TMOD2: variants seen among roughly 807,000 people sequenced by gnomAD.
TMOD2 encodes the protein tropomodulin-2.
Under a neutral mutation model 39.9 loss-of-function variants are expected in TMOD2, and 22 were observed. That is an observed-to-expected ratio of 0.55 (90% CI 0.39 to 0.79). The LOEUF (loss-of-function observed/expected upper bound fraction) is 0.79, where lower values mean the gene tolerates loss of function less well. Ranked by LOEUF, TMOD2 falls within the 30% of genes least tolerant of loss-of-function variation. The probability of loss-of-function intolerance (pLI) is 0.00; values close to 1 mark genes in which losing one functional copy is unlikely to be tolerated. For synonymous variants in TMOD2, 123 were observed against 146.1 expected (o/e 0.84, Z 1.14); for missense variants, 386 against 413.3 (o/e 0.93, Z 0.57).
chr15:51,806,342 G>A (rs773384125), intron 8 of TMOD2, 35 bp from the exon 9 acceptor site: 59 of 1,608,778 alleles, frequency 3.7e-5, no homozygotes, highest in Non-Finnish European at 4.9e-5. Flanking sequence ...CTTCCTTCTT[G>A]GTCATCCTGT....
In TMOD2 at chr15:51,778,036, A is replaced by G. The variant is rs1459308487; in HGVS notation, c.493+1018A>G. Among the ~76,000 whole-genome samples, 5 of 151,628 alleles carry G rather than the reference A, an allele frequency of 3.3e-5. No individual in the cohort carries two copies. In the East Asian group the frequency reaches 9.7e-4, roughly 29 times the overall value. ...CATGCTGCTATAAAGACACATGCACACGTATGTTTATTGCGGCACTATTCA... is the reference window on the plus strand; with the variant it reads ...CATGCTGCTATAAAGACACATGCACGCGTATGTTTATTGCGGCACTATTCA... On this transcript the variant is annotated intron_variant, in intron 5 of 9. Transcript: ENST00000249700.
At chr15:51,759,132 T>A (rs2055762068) in intron 1 of TMOD2, among the ~76,000 whole-genome samples, 1 of 152,188 alleles carries the variant, frequency 6.6e-6, no homozygotes, top group African/African-American at 2.4e-5. Context: ...GGGTGGATTC[T>A]CAACACGTTT....
chr15:51,794,647 T>C (rs1409854194), intron 7 of TMOD2, among the ~76,000 whole-genome samples: 1 of 152,222 alleles, frequency 6.6e-6, no homozygotes, highest in African/African-American at 2.4e-5. Flanking sequence ...GCCTCAGAGA[T>C]TCCGATTTAA....
At chr15:51,783,994 G>A (rs935922736) in intron 7 of TMOD2, 9 of 152,252 alleles carry the variant, frequency 5.9e-5, no homozygotes, top group Admixed American at 2.6e-4. Flanking sequence ...ACTGATCTTC[G>A]TGCTTTCCAT....
intron 1 of TMOD2, 146 bp downstream of exon 1, chr15:51,751,858 G>A (rs1381810708): frequency 6.7e-6 from 1 of 149,948 alleles, no homozygotes; most frequent in Non-Finnish European, 1.5e-5. Flanking sequence ...GGCGTGCAGA[G>A]CCGGGCCGCC....
At chr15:51,768,549 AG>A in intron 3 of TMOD2, 131 bp downstream of exon 3, 1 of 953,684 alleles carries the variant, frequency 1.0e-6, no homozygotes, top group Non-Finnish European at 1.5e-6. Flanking sequence ...GAACTGTCCC[AG>A]ACATGGGAAA....
chr15:51,794,848 T>C (rs1367772443), intron 7 of TMOD2, among the ~76,000 whole-genome samples: 1 of 152,236 alleles, frequency 6.6e-6, no homozygotes, highest in Admixed American at 6.5e-5. Context: ...TTCCAAATTG[T>C]AGATATTCCA....
intron 5 of TMOD2, among the ~76,000 whole-genome samples, chr15:51,778,994 T>C (rs1053020446): frequency 2.6e-5 from 4 of 152,214 alleles, no homozygotes; most frequent in African/African-American, 9.6e-5. Context: ...GCTTGCTCTG[T>C]TGCCCAGGCT....
At chr15:51,782,497 A>G (rs1468594892) in intron 6 of TMOD2, among the ~76,000 whole-genome samples, 1 of 142,822 alleles carries the variant, frequency 7.0e-6, no homozygotes, top group African/African-American at 2.5e-5. Flanking sequence ...GAAAGACGAC[A>G]CTCAGAGGTA....
In TMOD2 at chr15:51,776,960, C is replaced by G; in HGVS notation, c.435C>G (p.Asn145Lys). 1.2e-6 allele frequency: 2 copies of G among 1,613,924 alleles called. No individual in the cohort carries two copies. Among genetic ancestry groups the G allele is most frequent in the Non-Finnish European group, 1.7e-6 (2 of 1,179,856 alleles). ...AAVLGVHNLL[N>K]NPKFDEETAN... ...TCCTTGGAGTACACAATTTGCTCAA[C>G]AATCCAAAGTTCGATGAAGAAACAG... The change falls in exon 5 of 10, where the codon AAC (asparagine) becomes AAG (lysine). Residue 145 changes from asparagine (N) to lysine (K), a missense_variant. Asn to Lys is a moderately conservative substitution (Grantham distance 94). Coordinates refer to ENST00000249700, the MANE Select transcript of TMOD2 (RefSeq NM_014548.4).
At chr15:51,796,133 T>G (rs1278905987) in intron 7 of TMOD2, among the ~76,000 whole-genome samples, 1 of 152,042 alleles carries the variant, frequency 6.6e-6, no homozygotes, top group Admixed American at 6.6e-5. Context: ...CCAGGATCAT[T>G]TCTCCTGCAG....
intron 8 of TMOD2, among the ~76,000 whole-genome samples, chr15:51,803,266 C>T (rs540635008): frequency 6.6e-5 from 10 of 151,140 alleles, no homozygotes; most frequent in Admixed American, 2.6e-4. Context: ...CTGCAACCTC[C>T]GCCTCCCAGG....
At chr15:51,766,342 C>CT (rs1305993304) in intron 1 of TMOD2, 31 bp from the exon 2 acceptor site, 1 of 1,175,458 alleles carries the variant, frequency 8.5e-7, no homozygotes, top group East Asian at 2.4e-5. Context: ...AACGGAGATT[C>CT]TTTTTTATTG....
intron 1 of TMOD2, among the ~76,000 whole-genome samples, chr15:51,765,245 C>T (rs933137541): frequency 1.3e-5 from 2 of 152,234 alleles, no homozygotes; most frequent in African/African-American, 4.8e-5. Context: ...AGGTGATCCA[C>T]CTGCCTTGGC....
chr15:51,786,038 G>A (rs7174941), intron 7 of TMOD2, among the ~76,000 whole-genome samples: 71,704 of 151,782 alleles, frequency 0.47, 17,182 homozygotes, highest in African/African-American at 0.51. Context: ...GAAGATATAC[G>A]TATATATACA....
At chr15:51,800,494 C>A (rs1197354035) in intron 8 of TMOD2, among the ~76,000 whole-genome samples, 2 of 152,124 alleles carry the variant, frequency 1.3e-5, no homozygotes, top group East Asian at 3.9e-4. Context: ...CAAGATCATG[C>A]CACTGCACTC....
chr15:51,806,595 A>ATC, intron 9 of TMOD2, 74 bp downstream of exon 9: 1 of 1,548,368 alleles, frequency 6.5e-7, no homozygotes, highest in Non-Finnish European at 8.9e-7. Context: ...CAGACGCAGC[A>ATC]TCTCACAGAT....
At chr15:51,782,930 T>A in intron 7 of TMOD2, 102 bp downstream of exon 7, 1 of 1,093,278 alleles carries the variant, frequency 9.1e-7, no homozygotes, top group Non-Finnish European at 1.3e-6. Flanking sequence ...CTGGAAAACT[T>A]ACCTTCTACA....
chr15:51,782,397 T>C (rs1017035499), intron 6 of TMOD2, among the ~76,000 whole-genome samples: 6 of 152,176 alleles, frequency 3.9e-5, no homozygotes, highest in African/African-American at 1.4e-4. Context: ...ATTAAAACAG[T>C]GGCAAATACG....
Sources: allele counts gnomAD v4.1 joint callset (sites outside exome capture counted in the v4.1 genomes callset), GRCh38; gene constraint gnomAD v4.1.1; transcripts MANE v1.5; gene names NCBI Gene and HGNC (gene_info 2026-07-23, HGNC 2026-07-21).